HMCN1: variants seen among roughly 807,000 people sequenced by gnomAD.
The protein encoded by HMCN1 is hemicentin-1.
A neutral mutation model predicts 625.9 loss-of-function variants in HMCN1; 321 were observed. The ratio of observed to expected loss-of-function variants is 0.51; its 90% CI spans 0.47 to 0.56. HMCN1 has a LOEUF of 0.56. Among genes scored for constraint, HMCN1 ranks in the 20% least tolerant of loss-of-function variants. HMCN1 has a pLI of 0.00. For missense variants in HMCN1, 6,588 were observed against 6,887.3 expected (o/e 0.96, Z 1.54); for synonymous variants, 2,425 against 2,417.6 (o/e 1.00, Z -0.09).
chr1:185,786,704 A>G (rs754222092), intron 1 of HMCN1, among the ~76,000 whole-genome samples: 2 of 152,240 alleles, frequency 1.3e-5, no homozygotes, highest in Non-Finnish European at 2.9e-5. Flanking sequence ...ACACATTTCC[A>G]GATATAAAGC....
intron 4 of HMCN1, among the ~76,000 whole-genome samples, chr1:185,899,626 G>A (rs987800376): frequency 6.6e-6 from 1 of 152,118 alleles, no homozygotes; most frequent in African/African-American, 2.4e-5. Flanking sequence ...TTTATGTTCT[G>A]TTATCTTTTG....
At chr1:185,896,225 C>T (rs1056591078) in intron 4 of HMCN1, among the ~76,000 whole-genome samples, 2 of 152,158 alleles carry the variant, frequency 1.3e-5, no homozygotes, top group East Asian at 1.9e-4. Flanking sequence ...CATGAGCCAC[C>T]GCGCCCGGCC....
Position 186,174,637 on chromosome 1 carries a change from G to A in HMCN1, c.15938G>A (p.Cys5313Tyr). Reference sequence around the variant, plus strand: ...CGGTCTCAAGGAGTTGGAAGACCCTGCATGGGTAAGTTAATAGGAACTTGT... The same window carrying A: ...CGGTCTCAAGGAGTTGGAAGACCCTACATGGGTAAGTTAATAGGAACTTGT... ...GYRSQGVGRP[C>Y]MDINECEQVP... Residue 5313 changes from cysteine to tyrosine, a missense_variant, in exon 103 of 107, where the codon TGC (cysteine) becomes TAC (tyrosine). By Grantham distance (194) the Cys-to-Tyr change is radical. Around this residue, in one of 3 missense-constraint regions of HMCN1, gnomAD observed 1,954 missense variants for 2,013.1 expected, o/e 0.97. Coordinates refer to ENST00000271588, the MANE Select transcript of HMCN1 (RefSeq NM_031935.3). The A allele has an allele frequency of 6.2e-7, 1 of 1,613,982 alleles. No homozygotes were observed. Among genetic ancestry groups the A allele is most frequent in the East Asian group, 2.2e-5 (1 of 44,856 alleles).
chr1:185,912,009 CA>C (rs1666451990), intron 6 of HMCN1, among the ~76,000 whole-genome samples: 1 of 152,160 alleles, frequency 6.6e-6, no homozygotes. Flanking sequence ...TTACAATTCT[CA>C]GATAGTTTTC....
Position 186,190,148 on chromosome 1 carries a change from A to T in HMCN1, c.*270A>T. 2.0e-6 allele frequency: 1 copy of T among 500,714 alleles called. No individual in the cohort carries two copies. Among genetic ancestry groups the T allele is most frequent in the Non-Finnish European group, 3.6e-6 (1 of 275,088 alleles). 31.0% of individuals were successfully genotyped at this position (500,714 alleles called of 1,614,324 possible). ...CCAAAGATTATTCTGAACATCTAACAGGACATATCAGTGATGGTTTACAGT... is the reference window on the plus strand; with the variant it reads ...CCAAAGATTATTCTGAACATCTAACTGGACATATCAGTGATGGTTTACAGT... On this transcript the variant is annotated 3_prime_UTR_variant, in exon 107 of 107. Coordinates refer to ENST00000271588, the MANE Select transcript of HMCN1 (RefSeq NM_031935.3).
At chr1:186,048,909 A>C in intron 42 of HMCN1, 70 bp downstream of exon 42, 1 of 915,118 alleles carries the variant, frequency 1.1e-6, no homozygotes, top group South Asian at 1.3e-5. Context: ...AATGACATTC[A>C]TCCATGTAAC....
intron 86 of HMCN1, among the ~76,000 whole-genome samples, chr1:186,135,857 G>A (rs1483348125): frequency 6.6e-6 from 1 of 152,068 alleles, no homozygotes; most frequent in Non-Finnish European, 1.5e-5. Flanking sequence ...AGTTCCATAG[G>A]TATGCTATAG....
chr1:186,186,439 A>C (rs1330684216), intron 105 of HMCN1, among the ~76,000 whole-genome samples: 2 of 152,156 alleles, frequency 1.3e-5, no homozygotes, highest in Non-Finnish European at 2.9e-5. Context: ...AGGCAGGAGA[A>C]TCACTTGAGC....
In HMCN1 at chr1:186,125,637, A is replaced by G; in HGVS notation, c.12533A>G (p.Tyr4178Cys). The G allele has an allele frequency of 6.2e-7, 1 of 1,613,396 alleles. No individual in the cohort carries two copies. The highest frequency in any genetic ancestry group is 8.5e-7 in the Non-Finnish European group (1 of 1,179,424). The change falls in exon 82 of 107, where the codon TAC becomes TGC. Residue 4178 changes from tyrosine (Y) to cysteine (C), a missense_variant. Around this residue, in one of 3 missense-constraint regions of HMCN1, gnomAD observed 1,954 missense variants for 2,013.1 expected, o/e 0.97. Coordinates refer to ENST00000271588, the MANE Select transcript of HMCN1 (RefSeq NM_031935.3). Reference protein sequence around the residue: ...PPRIRSTEGHYTVNENSQAIL... With the variant: ...PPRIRSTEGHCTVNENSQAIL... ...AGGATCAGAAGTACAGAAGGACACTACACGGTCAATGAGAATTCACAAGCC... is the reference window on the plus strand; with the variant it reads ...AGGATCAGAAGTACAGAAGGACACTGCACGGTCAATGAGAATTCACAAGCC...
intron 97 of HMCN1, among the ~76,000 whole-genome samples, chr1:186,158,122 T>C (rs1328180611): frequency 6.7e-6 from 1 of 148,654 alleles, no homozygotes; most frequent in East Asian, 1.9e-4. Context: ...GACTTTTTAA[T>C]GATTGCCATT....
intron 93 of HMCN1, among the ~76,000 whole-genome samples, chr1:186,150,973 T>A (rs1650626516): frequency 6.6e-6 from 1 of 152,106 alleles, no homozygotes; most frequent in African/African-American, 2.4e-5. Context: ...AACACTATGA[T>A]GTGCACAGAT....
intron 1 of HMCN1, among the ~76,000 whole-genome samples, chr1:185,743,962 C>T (rs1407048805): frequency 6.8e-6 from 1 of 146,786 alleles, no homozygotes; most frequent in East Asian, 2.0e-4. Flanking sequence ...AAAGATTCTA[C>T]TTGATGACTT....
At chr1:185,950,480 C>A (rs532731570) in intron 11 of HMCN1, among the ~76,000 whole-genome samples, 1 of 151,476 alleles carries the variant, frequency 6.6e-6, no homozygotes, top group East Asian at 1.9e-4. Context: ...ATTCTGACCG[C>A]GCTAACCATG....
At chr1:185,828,878 G>A (rs1247980744) in intron 1 of HMCN1, among the ~76,000 whole-genome samples, 1 of 152,042 alleles carries the variant, frequency 6.6e-6, no homozygotes, top group East Asian at 1.9e-4. Flanking sequence ...CAGAAGAAAA[G>A]TATACCCTTA....
Position 186,156,916 on chromosome 1 carries a change from G to A in HMCN1, c.15256+2929G>A, listed in dbSNP as rs146483802. On this transcript the variant is annotated intron_variant, in intron 97 of 106. Coordinates refer to ENST00000271588, the MANE Select transcript of HMCN1 (RefSeq NM_031935.3). ...CTGTAAACAAGTAACAAAGGGGAAT[G>A]TTCATGACAATAATAACTGAAAAGT... 9.7e-3 allele frequency among the ~76,000 whole-genome samples: 1,476 copies of A among 152,230 alleles called. 11 individuals are homozygous for A. The highest frequency in any genetic ancestry group is 0.014 in the Non-Finnish European group (923 of 68,010).
chr1:185,989,201 G>A (rs1308633515), intron 20 of HMCN1, among the ~76,000 whole-genome samples: 1 of 151,640 alleles, frequency 6.6e-6, no homozygotes, highest in Non-Finnish European at 1.5e-5. Context: ...TAGGGACGGG[G>A]TTTCACCGTG....
Position 185,952,418 on chromosome 1 carries a change from C to T in HMCN1, c.1829-10100C>T, listed in dbSNP as rs562081098. The stretch of plus-strand genomic sequence containing the variant: ...AAGGAAGATTAGAAAGACTCAGCGA[C>T]GCTTGGGGTTGGTACTGAGGGGACA... On this transcript the variant is annotated intron_variant, in intron 11 of 106. Coordinates refer to ENST00000271588, the MANE Select transcript of HMCN1 (RefSeq NM_031935.3). Among the ~76,000 whole-genome samples the T allele has an allele frequency of 4.9e-3, 737 of 151,202 alleles. 19 individuals carry two copies. The highest frequency in any genetic ancestry group is 0.017 in the African/African-American group (699 of 40,916).
chr1:186,074,998 T>C (rs1403173962), intron 53 of HMCN1, 107 bp downstream of exon 53: 10 of 918,106 alleles, frequency 1.1e-5, no homozygotes, highest in Non-Finnish European at 1.5e-5. Context: ...TTGACAATAA[T>C]ATAAATTCAT....
chr1:186,065,974 C>T (rs969521069), intron 49 of HMCN1, among the ~76,000 whole-genome samples: 1 of 152,132 alleles, frequency 6.6e-6, no homozygotes. Context: ...CTACTAAAAT[C>T]AACTGACCTA....
Sources: allele counts gnomAD v4.1 joint callset (sites outside exome capture counted in the v4.1 genomes callset), GRCh38; gene constraint gnomAD v4.1.1; regional missense constraint gnomAD v4.1.1; transcripts MANE v1.5; gene names NCBI Gene and HGNC (gene_info 2026-07-23, HGNC 2026-07-21).